Variants in GTPBP10 observed in about 807,000 individuals in gnomAD.
GTPBP10 encodes the protein GTP-binding protein 10.
In GTPBP10, 38 loss-of-function variants were observed where a neutral mutation model predicts 44.8. The observed-to-expected ratio is 0.85, with a 90% CI of 0.65 to 1.11. The LOEUF is 1.11. Among genes scored for constraint, GTPBP10 ranks in the 50% most tolerant of loss-of-function variants. The probability of loss-of-function intolerance (pLI) is 0.00; values close to 1 mark genes in which losing one functional copy is unlikely to be tolerated. For synonymous variants in GTPBP10, 152 were observed against 150.6 expected, an observed-to-expected ratio of 1.01 and a Z score of -0.07; for missense variants, 462 against 453.7, an observed-to-expected ratio of 1.02 and a Z score of -0.17.
At chr7:90,373,214 T>G (rs1796290334) in intron 5 of GTPBP10, among the ~76,000 whole-genome samples, 1 of 152,162 alleles carries the variant, frequency 6.6e-6, no homozygotes, top group Non-Finnish European at 1.5e-5. Context: ...ATTTAGGCTG[T>G]ATTTGATTTT....
Position 90,370,618 on chromosome 7 carries a change from C to T in GTPBP10, c.465-1537C>T, listed in dbSNP as rs1796239906. On this transcript the variant is annotated intron_variant, in intron 4 of 9. Coordinates refer to ENST00000222511, the MANE Select transcript of GTPBP10 (RefSeq NM_033107.4). ...GTACACTACTTGGGTGATGGGTACA[C>T]TAAAATCCTGGACTTCACCATTACA... Among the ~76,000 whole-genome samples the T allele has an allele frequency of 2.0e-5, 3 of 152,180 alleles. No individual in the cohort carries two copies. The South Asian group carries it at 6.2e-4, about 32-fold the overall frequency.
At chr7:90,377,430 T>G in intron 6 of GTPBP10, 77 bp from the exon 7 acceptor site, 1 of 906,432 alleles carries the variant, frequency 1.1e-6, no homozygotes, top group East Asian at 2.5e-5. Flanking sequence ...TGAAATATCT[T>G]AAAAATTTTG....
intron 2 of GTPBP10, among the ~76,000 whole-genome samples, 186 bp from the exon 3 acceptor site, chr7:90,354,272 G>A (rs895570221): frequency 2.6e-5 from 4 of 152,092 alleles, no homozygotes; most frequent in Non-Finnish European, 5.9e-5. Context: ...GGATATAATA[G>A]TCTAAAATGC....
At chr7:90,380,272 T>G (rs1402369002) in intron 8 of GTPBP10, among the ~76,000 whole-genome samples, 1 of 152,016 alleles carries the variant, frequency 6.6e-6, no homozygotes, top group Non-Finnish European at 1.5e-5. Flanking sequence ...AGAAACAGGG[T>G]TTCACCATGT....
At chr7:90,380,451 T>C (rs1373006080) in intron 8 of GTPBP10, among the ~76,000 whole-genome samples, 1 of 152,246 alleles carries the variant, frequency 6.6e-6, no homozygotes, top group Non-Finnish European at 1.5e-5. Context: ...TTTTCACTTT[T>C]TCAGTGTATT....
At chr7:90,372,962 A>G (rs779020379) in intron 5 of GTPBP10, among the ~76,000 whole-genome samples, 1 of 152,170 alleles carries the variant, frequency 6.6e-6, no homozygotes, top group Non-Finnish European at 1.5e-5. Flanking sequence ...GTACTATGAA[A>G]GAGTATAGAT....
chr7:90,362,392 C>T (rs552049224), intron 4 of GTPBP10, among the ~76,000 whole-genome samples: 13 of 152,140 alleles, frequency 8.5e-5, no homozygotes, highest in Non-Finnish European at 1.8e-4. Context: ...CGTTATGTAC[C>T]CAGTAGTCAT....
chr7:90,384,901 A>G lies in GTPBP10; in HGVS notation c.911A>G (p.His304Arg), dbSNP rs756608010. ...SQLQNPKDFL[H>R]LFEKNMIPER... The stretch of plus-strand genomic sequence containing the variant: ...GTGCTCTTTCTTTTAGATTTTCTGC[A>G]TTTATTTGAAAAAAACATGATTCCA... The change falls in exon 10 of 10, where the codon CAT (histidine) becomes CGT (arginine). Residue 304 changes from histidine to arginine, a missense_variant. By Grantham distance (29) the His-to-Arg change is conservative. Coordinates refer to ENST00000222511, the MANE Select transcript of GTPBP10 (RefSeq NM_033107.4). 1.3e-6 allele frequency: 2 copies of G among 1,586,404 alleles called. No homozygotes were observed. Among genetic ancestry groups the G allele is most frequent in the East Asian group, 2.3e-5 (1 of 44,268 alleles).
intron 4 of GTPBP10, among the ~76,000 whole-genome samples, chr7:90,360,910 C>G: frequency 6.6e-6 from 1 of 152,094 alleles, no homozygotes; most frequent in South Asian, 2.1e-4. Flanking sequence ...TGTGAATGGG[C>G]GTTCACTCAT....
chr7:90,383,104 C>A, intron 9 of GTPBP10, 25 bp downstream of exon 9: 3 of 1,479,840 alleles, frequency 2.0e-6, no homozygotes, highest in South Asian at 1.4e-5. Context: ...TCATTTAATT[C>A]TAATTTAAAG....
At chr7:90,364,972 T>C (rs1796102464) in intron 4 of GTPBP10, among the ~76,000 whole-genome samples, 1 of 152,172 alleles carries the variant, frequency 6.6e-6, no homozygotes, top group Non-Finnish European at 1.5e-5. Context: ...GCTAAGGCCA[T>C]TGGAAAAGTG....
intron 1 of GTPBP10, among the ~76,000 whole-genome samples, chr7:90,349,427 G>A (rs759755112): frequency 1.3e-4 from 20 of 152,154 alleles, no homozygotes; most frequent in Non-Finnish European, 2.9e-4. Context: ...TAGCGGGGAG[G>A]TGGGGCACTG....
intron 4 of GTPBP10, among the ~76,000 whole-genome samples, chr7:90,368,150 A>G (rs983728575): frequency 4.6e-5 from 7 of 152,160 alleles, no homozygotes; most frequent in African/African-American, 1.2e-4. Context: ...CAAGAGATCC[A>G]CTGTTAGTCT....
chr7:90,382,325 C>T (rs1796447241), intron 8 of GTPBP10, among the ~76,000 whole-genome samples: 1 of 152,028 alleles, frequency 6.6e-6, no homozygotes, highest in East Asian at 1.9e-4. Context: ...GTTATGTTGT[C>T]AAGGCTTGTC....
intron 4 of GTPBP10, among the ~76,000 whole-genome samples, chr7:90,359,210 T>C (rs905307966): frequency 2.6e-5 from 4 of 152,082 alleles, no homozygotes; most frequent in Admixed American, 2.6e-4. Flanking sequence ...CTTTCTTACA[T>C]AGGTATACAT....
chr7:90,383,030 T>C lies in GTPBP10; in HGVS notation c.852T>C (p.Asp284=). The change falls in exon 9 of 10, where the codon GAT becomes GAC. Residue 284 remains aspartate (D), a synonymous_variant. Coordinates refer to ENST00000222511, the MANE Select transcript of GTPBP10 (RefSeq NM_033107.4). The stretch of plus-strand genomic sequence containing the variant: ...CAGTTAATAAAATGGACTTGCCAGA[T>C]GCCCAAGATAAGTTCCATGAATTGA... ...LLAVNKMDLP[D]AQDKFHELMS... The C allele has an allele frequency of 2.5e-6, 4 of 1,598,460 alleles. No individual in the cohort carries two copies. Among genetic ancestry groups the C allele is most frequent in the Non-Finnish European group, 3.4e-6 (4 of 1,169,926 alleles).
rs369162751 is a variant in GTPBP10 at position 90,385,169 on chromosome 7, G to A, written c.*15G>A. 1.4e-5 allele frequency: 21 copies of A among 1,547,488 alleles called. No homozygotes were observed. In the African/African-American group the frequency reaches 1.4e-4, roughly 10 times the overall value. ...ATATAATTTAAATATATTAAAAATG[G>A]TATTGATGGAACAGTATTTAATGCT... On this transcript the variant is annotated 3_prime_UTR_variant, in exon 10 of 10. Transcript: ENST00000222511.
Position 90,390,897 on chromosome 7 carries a change from T to C in GTPBP10, c.*5743T>C, listed in dbSNP as rs1234228978. On this transcript the variant is annotated 3_prime_UTR_variant, in exon 10 of 10. Coordinates refer to ENST00000222511, the MANE Select transcript of GTPBP10 (RefSeq NM_033107.4). ...TTATAAGCTAAAATATGCCTTCGGT[T>C]TTGTGTGCTACAAATTGAGGGAGAT... 2.0e-5 allele frequency: 3 copies of C among 152,200 alleles called. No homozygotes were observed. The highest frequency in any genetic ancestry group is 7.2e-5 in the African/African-American group (3 of 41,456). 9.4% of individuals were successfully genotyped at this position (152,200 alleles called of 1,614,324 possible).
At chr7:90,354,251 C>T (rs11563902) in intron 2 of GTPBP10, among the ~76,000 whole-genome samples, 37,493 of 151,886 alleles carry the variant, frequency 0.25, 4,957 homozygotes, top group African/African-American at 0.34. Context: ...TTACTTAATG[C>T]CATTTTAGTG....
Sources: gnomAD v4.1 joint callset for allele counts (sites outside exome capture counted in the v4.1 genomes callset) on GRCh38, gnomAD v4.1.1 for gene constraint, MANE v1.5 for transcripts, NCBI Gene and HGNC (gene_info 2026-07-23, HGNC 2026-07-21) for gene names.